The following CACNA1H variants were observed in gnomAD, a reference collection of about 807,000 sequenced individuals.
CACNA1H encodes the protein voltage-dependent T-type calcium channel subunit alpha-1H.
Under a neutral mutation model 192.5 loss-of-function variants are expected in CACNA1H, and 149 were observed. The observed-to-expected ratio is 0.77, with a 90% confidence interval of 0.68 to 0.89. CACNA1H has a LOEUF of 0.89. CACNA1H is among the 40% of genes least tolerant of loss of function. The pLI, the probability that CACNA1H is intolerant of heterozygous loss-of-function variation, is 0.00. For synonymous variants in CACNA1H, 2,202 were observed against 1,475.2 expected, an observed-to-expected ratio of 1.49 and a Z score of -11.29; for missense variants, 4,257 against 3,423.5, an observed-to-expected ratio of 1.24 and a Z score of -6.08.
At chr16:1,166,069 ACT>A (rs1461340749) in intron 2 of CACNA1H, among the ~76,000 whole-genome samples, 4 of 152,156 alleles carry the variant, frequency 2.6e-5, no homozygotes, top group African/African-American at 4.8e-5. Flanking sequence ...GAATTGGGTG[ACT>A]CTGAGAGCTG....
At chr16:1,218,111 C>A in intron 32 of CACNA1H, 71 bp downstream of exon 32, 3 of 1,549,800 alleles carry the variant, frequency 1.9e-6, no homozygotes, top group South Asian at 2.4e-5. Context: ...AGGAACGGGT[C>A]GGATCCGTCC....
intron 9 of CACNA1H, 41 bp downstream of exon 9, chr16:1,202,493 C>A (rs1302588577): frequency 6.9e-7 from 1 of 1,439,606 alleles, no homozygotes; most frequent in Non-Finnish European, 9.1e-7. Flanking sequence ...GCGGTGGGAC[C>A]TAGGCAGGGC....
Position 1,210,129 on chromosome 16 carries a change from A to C in CACNA1H, c.3839A>C (p.Gln1280Pro). Residue 1280 changes from glutamine (Q) to proline (P), a missense_variant, in exon 18 of 35, where the codon CAG (glutamine) becomes CCG (proline). Transcript: ENST00000348261. ...EAWALYLFSP[Q>P]NRFRVSCQKV... ...TGGGCCCTCTACCTCTTCTCCCCAC[A>C]GAACCGGTGAGGCGGCCGGGTCAGG... The C allele has an allele frequency of 6.4e-7, 1 of 1,555,446 alleles. No individual in the cohort carries two copies. The highest frequency in any genetic ancestry group is 8.7e-7 in the Non-Finnish European group (1 of 1,149,934).
chr16:1,201,565 A>G, intron 8 of CACNA1H, 98 bp from the exon 9 acceptor site: 1 of 1,398,476 alleles, frequency 7.2e-7, no homozygotes, highest in Non-Finnish European at 9.6e-7. Flanking sequence ...TGTGCCTGTG[A>G]CGCGGCCCCC....
At position 1,207,514 on chromosome 16, in the gene CACNA1H, G is replaced by T; in HGVS notation, c.3063+84G>T. The T allele has an allele frequency of 2.1e-6, 3 of 1,425,394 alleles. No homozygotes were observed. The South Asian group carries it at 3.7e-5, about 18-fold the overall frequency. 88.3% of individuals were successfully genotyped at this position (1,425,394 alleles called of 1,614,324 possible). A position where few individuals can be genotyped will look rare whatever the true frequency, so the allele number is the denominator to read the frequency against. ...CAGGTCGAGGGGAGGGGTGTGGGGG[G>T]CCTGCCAAGAGGTGAGGGATAGAGA... On this transcript the variant is annotated intron_variant, in intron 14 of 34. Transcript: ENST00000348261.
Position 1,210,350 on chromosome 16 carries a change from A to AGCCCCC in CACNA1H, c.3846-20_3846-19insGCCCCC. 9.6e-6 allele frequency: 3 copies of AGCCCCC among 313,930 alleles called. No individual in the cohort carries two copies. The highest frequency in any genetic ancestry group is 1.4e-5 in the Non-Finnish European group (3 of 215,944). The allele number at this position is 313,930 out of a possible 1,614,324, so 19.4% of individuals were successfully genotyped here. A position where few individuals can be genotyped will look rare whatever the true frequency, so the allele number is the denominator to read the frequency against. ...TCCACGCCGCCCCGCCCCACCTCTC[A>AGCCCCC]CCCGCCCCCGCCCACCCAGGTTCCG... On this transcript the variant is annotated intron_variant, in intron 18 of 34. Coordinates refer to ENST00000348261, the MANE Select transcript of CACNA1H (RefSeq NM_021098.3).
chr16:1,211,391 G>A (rs1969430291), intron 22 of CACNA1H, 90 bp from the exon 23 acceptor site: 1 of 1,606,310 alleles, frequency 6.2e-7, no homozygotes, highest in Admixed American at 1.7e-5. Context: ...GACGGGGAGG[G>A]ACAGCTCGGG....
chr16:1,180,570 G>T lies in CACNA1H; in HGVS notation c.300-14402G>T, dbSNP rs1025001518. On this transcript the variant is annotated intron_variant, in intron 2 of 34. Transcript: ENST00000348261. This position sits in a 1 kb window ranked among gnomAD's most constrained non-coding sequence, Gnocchi z 4.4. ...GAGCAGGGGCTGCAGTCACAGCCAGGCCGTGGGGGGGCCAGGGAGGAGGGG... is the reference window on the plus strand; with the variant it reads ...GAGCAGGGGCTGCAGTCACAGCCAGTCCGTGGGGGGGCCAGGGAGGAGGGG... Among the ~76,000 whole-genome samples the T allele has an allele frequency of 2.0e-5, 3 of 152,164 alleles. No individual in the cohort carries two copies. The highest frequency in any genetic ancestry group is 4.4e-5 in the Non-Finnish European group (3 of 68,014).
In CACNA1H at chr16:1,180,614, C is replaced by G. The variant is rs778862704; in HGVS notation, c.300-14358C>G. 7.3e-6 allele frequency among the ~76,000 whole-genome samples: 1 copy of G among 137,404 alleles called. No homozygotes were observed. Among genetic ancestry groups the G allele is most frequent in the Non-Finnish European group, 1.6e-5 (1 of 63,910 alleles). The allele number at this position is 137,404 out of a possible 152,430, so 90.1% of individuals were successfully genotyped here. The stretch of plus-strand genomic sequence containing the variant: ...GGAGGGGCTGCTCTCCATAGTGTGT[C>G]GGGTGGGGAGTGGCCCACCTGGCCT... On this transcript the variant is annotated intron_variant, in intron 2 of 34. Transcript: ENST00000348261. This position sits in a 1 kb window ranked among gnomAD's most constrained non-coding sequence, Gnocchi z 4.4.
chr16:1,203,401 C>T (rs1030779274), intron 9 of CACNA1H, among the ~76,000 whole-genome samples: 1 of 152,172 alleles, frequency 6.6e-6, no homozygotes, highest in Non-Finnish European at 1.5e-5. Flanking sequence ...TGTTATATTT[C>T]TGTGGATGGC....
At chr16:1,193,587 C>T (rs1966801589) in intron 2 of CACNA1H, among the ~76,000 whole-genome samples, 1 of 152,274 alleles carries the variant, frequency 6.6e-6, no homozygotes, top group South Asian at 2.1e-4. Flanking sequence ...CGTGGCTGTG[C>T]CAGCATGCCA....
chr16:1,194,466 C>T (rs1304277697), intron 2 of CACNA1H, among the ~76,000 whole-genome samples: 3 of 152,308 alleles, frequency 2.0e-5, no homozygotes, highest in East Asian at 1.9e-4. Flanking sequence ...GTTGTGCCAC[C>T]GTCCAGGCCT....
At position 1,195,044 on chromosome 16, in the gene CACNA1H, G is replaced by A; in HGVS notation, c.372G>A (p.Glu124=). Residue 124 remains glutamate (E), a synonymous_variant, in exon 3 of 35, where the codon GAG becomes GAA. Transcript: ENST00000348261. ...CCCTGGGCATGTTCCGGCCCTGTGA[G>A]GACGTTGAGTGCGGCTCCGAGCGCT... ...CVTLGMFRPC[E]DVECGSERCN... 6.2e-7 allele frequency: 1 copy of A among 1,611,026 alleles called. No homozygotes were observed. The highest frequency in any genetic ancestry group is 8.5e-7 in the Non-Finnish European group (1 of 1,178,552).
In CACNA1H at chr16:1,215,606, C is replaced by T. The variant is rs751551692; in HGVS notation, c.5244+13C>T. ...AGCTCTCCCCCAGGTAGGTGGAGCCCGCGCCATCCTCAGCGCAGGCCCCCG... is the reference window on the plus strand; with the variant it reads ...AGCTCTCCCCCAGGTAGGTGGAGCCTGCGCCATCCTCAGCGCAGGCCCCCG... On this transcript the variant is annotated intron_variant, in intron 30 of 34. Transcript: ENST00000348261. 8.7e-6 allele frequency: 14 copies of T among 1,606,210 alleles called. No individual in the cohort carries two copies. The highest frequency in any genetic ancestry group is 3.4e-5 in the Admixed American group (2 of 59,662).
intron 10 of CACNA1H, 58 bp downstream of exon 10, chr16:1,204,516 GTC>G (rs909277260): frequency 1.5e-6 from 2 of 1,377,248 alleles, no homozygotes; most frequent in African/African-American, 2.9e-5. Context: ...GGCCTGGGGA[GTC>G]TCAGGAGGCT....
In CACNA1H at chr16:1,220,467, C is replaced by G; in HGVS notation, c.6535C>G (p.Leu2179Val). The G allele has an allele frequency of 1.3e-6, 2 of 1,546,212 alleles. No homozygotes were observed. Among genetic ancestry groups the G allele is most frequent in the Non-Finnish European group, 1.7e-6 (2 of 1,154,924 alleles). ...CTGGGGCCCTGAGGCCGAGCCCGCT[C>G]TGGGTGCGCGCAGAAAGAAGAAGAT... is the stretch of plus-strand genomic sequence containing the variant. ...KAWGPEAEPALGARRKKKMSP... is the reference protein window; with the variant it reads ...KAWGPEAEPAVGARRKKKMSP... Residue 2179 changes from leucine (L) to valine (V), a missense_variant, in exon 35 of 35, where the codon CTG (leucine) becomes GTG (valine). Physicochemically the swap from Leu to Val is conservative, Grantham distance 32. Transcript: ENST00000348261.
chr16:1,203,490 G>C (rs1968251839), intron 9 of CACNA1H, among the ~76,000 whole-genome samples: 1 of 152,180 alleles, frequency 6.6e-6, no homozygotes, highest in Non-Finnish European at 1.5e-5. Context: ...GGCTGTGGGG[G>C]TTGGGTGTGT....
chr16:1,214,399 G>A (rs865980806), intron 27 of CACNA1H, among the ~76,000 whole-genome samples: 5 of 152,340 alleles, frequency 3.3e-5, no homozygotes, highest in Middle Eastern at 6.8e-3. Flanking sequence ...TATGGAAAGC[G>A]TTTTGTGTGG....
chr16:1,178,903 G>A (rs1042895674), intron 2 of CACNA1H, among the ~76,000 whole-genome samples: 10 of 152,240 alleles, frequency 6.6e-5, no homozygotes, highest in African/African-American at 9.6e-5. Flanking sequence ...GTGGCCCCGC[G>A]CCCTTGCCAG....
Sources: gnomAD v4.1 joint callset for allele counts (sites outside exome capture counted in the v4.1 genomes callset) on GRCh38, gnomAD v4.1.1 for gene constraint, Gnocchi (gnomAD v3.1) non-coding constraint, MANE v1.5 for transcripts, NCBI Gene and HGNC (gene_info 2026-07-23, HGNC 2026-07-21) for gene names.